Variants in NSF observed in about 807,000 individuals in gnomAD.
The protein encoded by NSF is N-ethylmaleimide sensitive factor, vesicle fusing ATPase, also known as vesicle-fusing ATPase.
A neutral mutation model predicts 50.3 loss-of-function variants in NSF; 14 were observed. That is an observed-to-expected ratio of 0.28 (90% CI 0.18 to 0.44). NSF has a LOEUF of 0.44. Ranked by LOEUF, NSF falls within the 20% of genes least tolerant of loss-of-function variation. The pLI is 1.00. For missense variants in NSF, 218 were observed against 504.3 expected (o/e 0.43, Z 5.44); for synonymous variants, 109 against 175.7 (o/e 0.62, Z 3.00).
At chr17:46,753,065 G>A (rs1598742013) in intron 19 of NSF, among the ~76,000 whole-genome samples, 3 of 152,202 alleles carry the variant, frequency 2.0e-5, no homozygotes, top group Non-Finnish European at 2.9e-5. Context: ...CACTGCGCCC[G>A]GCCAGTAAAC....
intron 1 of NSF, among the ~76,000 whole-genome samples, chr17:46,622,358 T>C (rs2058074689): frequency 6.7e-6 from 1 of 150,014 alleles, no homozygotes; most frequent in African/African-American, 2.5e-5. Flanking sequence ...CTTGGGAGGC[T>C]GAGGCAGGAG....
At chr17:46,744,779 G>T (rs1390397651) in intron 17 of NSF, among the ~76,000 whole-genome samples, 2 of 152,134 alleles carry the variant, frequency 1.3e-5, no homozygotes, top group Admixed American at 1.3e-4. Flanking sequence ...TCTTCATCAT[G>T]TAAAGAAGTG....
intron 8 of NSF, among the ~76,000 whole-genome samples, chr17:46,657,766 C>T (rs969003070): frequency 1.5e-5 from 1 of 68,646 alleles, no homozygotes; most frequent in Non-Finnish European, 2.7e-5. Flanking sequence ...TTATCTTACT[C>T]ATCTCCTGAA....
intron 12 of NSF, among the ~76,000 whole-genome samples, chr17:46,703,680 C>CAAA (rs149212597): frequency 9.6e-4 from 36 of 37,626 alleles, no homozygotes; most frequent in Admixed American, 2.3e-3. Context: ...GACTCCGTCT[C>CAAA]AAAAAAAAAA....
intron 17 of NSF, among the ~76,000 whole-genome samples, chr17:46,737,584 T>C (rs1313482034): frequency 2.0e-5 from 3 of 151,692 alleles, no homozygotes; most frequent in African/African-American, 7.3e-5. Flanking sequence ...TGTGTGTGTG[T>C]GTGTGTGTGT....
intron 9 of NSF, among the ~76,000 whole-genome samples, chr17:46,679,192 G>T (rs904820004): frequency 3.3e-5 from 5 of 151,610 alleles, no homozygotes; most frequent in African/African-American, 1.2e-4. Context: ...GCTTGGGAGG[G>T]GTTGTGAGGA....
chr17:46,708,708 G>C (rs1272077850), intron 13 of NSF, among the ~76,000 whole-genome samples: 2 of 147,926 alleles, frequency 1.4e-5, no homozygotes, highest in Admixed American at 1.3e-4. Context: ...TGGCCAGGCT[G>C]GTTTCAAACT....
At position 46,721,614 on chromosome 17, in the gene NSF, C is replaced by T. The variant is rs1037621785; in HGVS notation, c.1762-4935C>T. On this transcript the variant is annotated intron_variant, in intron 15 of 20. Transcript: ENST00000398238. ...TGAAACTCTGGGAATTCAAAATTAA[C>T]ATCCTTGCCCGTGAGCTTCTTATAG... 3 of 1,581,248 alleles carry T rather than the reference C, an allele frequency of 1.9e-6. No homozygotes were observed. The African/African-American group carries it at 4.0e-5, about 21-fold the overall frequency.
intron 15 of NSF, among the ~76,000 whole-genome samples, chr17:46,722,878 G>A (rs1461932665): frequency 6.6e-6 from 1 of 152,186 alleles, no homozygotes; most frequent in Non-Finnish European, 1.5e-5. Context: ...CTTCGTCATG[G>A]TCGGTGTGTT....
chr17:46,703,692 A>AC (rs2058629543), intron 12 of NSF, among the ~76,000 whole-genome samples: 1 of 151,304 alleles, frequency 6.6e-6, no homozygotes, highest in African/African-American at 2.4e-5. Flanking sequence ...AAAAAAAAAA[A>AC]AAAAAAAAAA....
chr17:46,742,681 A>G (rs1340833758), intron 17 of NSF, among the ~76,000 whole-genome samples: 13 of 152,138 alleles, frequency 8.5e-5, no homozygotes, highest in South Asian at 2.1e-4. Flanking sequence ...CTGTGTGGCT[A>G]TGGAAGGGAA....
At position 46,757,307 on chromosome 17, in the gene NSF, C is replaced by A. The variant is rs2059243374; in HGVS notation, c.*1484C>A. ...CCAGTATCCTGGATTCCTCTAAGAT[C>A]TTGCCTCTTTCCTCCTCATGAAAGC... On this transcript the variant is annotated 3_prime_UTR_variant, in exon 21 of 21. Coordinates refer to ENST00000398238, the MANE Select transcript of NSF (RefSeq NM_006178.4). 6.6e-6 allele frequency: 1 copy of A among 152,634 alleles called. No individual in the cohort carries two copies. The highest frequency in any genetic ancestry group is 1.5e-5 in the Non-Finnish European group (1 of 68,050). The allele number at this position is 152,634 out of a possible 1,614,324, so 9.5% of individuals were successfully genotyped here.
intron 17 of NSF, among the ~76,000 whole-genome samples, chr17:46,738,532 G>C (rs994712162): frequency 2.0e-5 from 3 of 152,162 alleles, no homozygotes; most frequent in Admixed American, 6.5e-5. Flanking sequence ...TAATTGATGG[G>C]TCAGTATTTT....
intron 17 of NSF, among the ~76,000 whole-genome samples, chr17:46,748,120 T>TA (rs2059149033): frequency 6.6e-6 from 1 of 152,170 alleles, no homozygotes; most frequent in South Asian, 2.1e-4. Context: ...TTTATTTATT[T>TA]TTTTGAGATG....
At position 46,728,808 on chromosome 17, in the gene NSF, T is replaced by C. The variant is rs776256020; in HGVS notation, c.1829-47T>C. The C allele has an allele frequency of 4.7e-6, 6 of 1,290,136 alleles. No homozygotes were observed. The Admixed American group carries it at 8.6e-5, about 19-fold the overall frequency. 79.9% of individuals were successfully genotyped at this position (1,290,136 alleles called of 1,614,324 possible). ...AAACAAAAACTGAATGTTTGGAATA[T>C]GTACATGTGTATCAAATCCCTAAAC... On this transcript the variant is annotated intron_variant, in intron 16 of 20. Coordinates refer to ENST00000398238, the MANE Select transcript of NSF (RefSeq NM_006178.4).
intron 4 of NSF, among the ~76,000 whole-genome samples, chr17:46,636,854 CTT>C (rs1408823487): frequency 2.7e-5 from 4 of 146,474 alleles, no homozygotes. Flanking sequence ...TTCAATATTT[CTT>C]TCTTTCTTTT....
intron 17 of NSF, among the ~76,000 whole-genome samples, chr17:46,737,511 G>A (rs1000617297): frequency 1.3e-5 from 2 of 152,078 alleles, no homozygotes; most frequent in African/African-American, 2.4e-5. Flanking sequence ...AAGGAAGCAA[G>A]GGTGGCTGCA....
chr17:46,755,301 C>T lies in NSF; in HGVS notation c.2158-13C>T, dbSNP rs774776690. ...TACCATTAACCCATCTTCATTTCTT[C>T]TGATGTATTTAGATGGATCCTGAAT... On this transcript the variant is annotated splice_polypyrimidine_tract_variant and intron_variant, in intron 19 of 20. Transcript: ENST00000398238. 6.8e-6 allele frequency: 11 copies of T among 1,608,418 alleles called. No individual in the cohort carries two copies. Among genetic ancestry groups the T allele is most frequent in the Admixed American group, 1.7e-5 (1 of 60,020 alleles).
At chr17:46,714,595 A>G (rs1168331437) in intron 15 of NSF, among the ~76,000 whole-genome samples, 1 of 152,168 alleles carries the variant, frequency 6.6e-6, no homozygotes, top group Non-Finnish European at 1.5e-5. Context: ...AGACTGTAAG[A>G]CCATTTGGTC....
Sources: gnomAD v4.1 joint callset for allele counts (sites outside exome capture counted in the v4.1 genomes callset) on GRCh38, gnomAD v4.1.1 for gene constraint, MANE v1.5 for transcripts, NCBI Gene and HGNC (gene_info 2026-07-23, HGNC 2026-07-21) for gene names.